The following ZNF18 variants were observed in gnomAD, a reference collection of about 807,000 sequenced individuals.
ZNF18 encodes the protein zinc finger protein 18.
Under a neutral mutation model 58.1 loss-of-function variants are expected in ZNF18, and 42 were observed. That is an observed-to-expected ratio of 0.72 (90% confidence interval 0.56 to 0.93). The LOEUF (loss-of-function observed/expected upper bound fraction) is 0.93. Among genes scored for constraint, ZNF18 ranks in the 40% least tolerant of loss-of-function variants. The pLI, the probability that ZNF18 is intolerant of heterozygous loss-of-function variation, is 0.00. For synonymous variants in ZNF18, 231 were observed against 239.8 expected (o/e 0.96, Z 0.34); for missense variants, 540 against 644.2 (o/e 0.84, Z 1.75).
chr17:11,990,806 A>G (rs1968068354), intron 3 of ZNF18, among the ~76,000 whole-genome samples, 168 bp downstream of exon 3: 1 of 152,170 alleles, frequency 6.6e-6, no homozygotes, highest in Non-Finnish European at 1.5e-5. Context: ...AGCAGTTTAA[A>G]ACACAGACTT....
the ZNF18 span, among the ~76,000 whole-genome samples, chr17:12,020,105 C>T: frequency 3.3e-5 from 5 of 152,162 alleles, no homozygotes; most frequent in East Asian, 1.9e-4. Flanking sequence ...ATAATGACTA[C>T]GGCTCGTCTT....
intron 1 of ZNF18, among the ~76,000 whole-genome samples, chr17:11,994,713 C>T (rs1283012879): frequency 3.3e-5 from 5 of 151,912 alleles, no homozygotes; most frequent in African/African-American, 9.7e-5. Flanking sequence ...TGGTGGCGGG[C>T]GCCTGTGATC....
rs367922755 is a variant in ZNF18 at position 11,977,949 on chromosome 17, G to T, written c.*8C>A. ...GATAGAAATGGGGAAAGAGAGTTTG[G>T]TTACTGGCTATTGAAAGGGCTTCTT... On this transcript the variant is annotated 3_prime_UTR_variant, in exon 7 of 7. Coordinates refer to ENST00000580306, the MANE Select transcript of ZNF18 (RefSeq NM_001303281.2). 9.7e-6 allele frequency: 15 copies of T among 1,547,390 alleles called. No homozygotes were observed. The African/African-American group carries it at 2.1e-4, about 21-fold the overall frequency.
the ZNF18 span, among the ~76,000 whole-genome samples, chr17:12,003,202 T>C: frequency 2.7e-4 from 41 of 152,210 alleles, no homozygotes; most frequent in Non-Finnish European, 5.0e-4. Flanking sequence ...ACGCCTGTAA[T>C]CCCAGCACTT....
At chr17:12,004,838 G>A in the ZNF18 span, among the ~76,000 whole-genome samples, 4 of 138,288 alleles carry the variant, frequency 2.9e-5, no homozygotes, top group East Asian at 8.6e-4. Flanking sequence ...AGTGAGCCAA[G>A]ATCATGCCAT....
chr17:12,015,534 GT>G, the ZNF18 span, among the ~76,000 whole-genome samples: 1 of 152,208 alleles, frequency 6.6e-6, no homozygotes, highest in South Asian at 2.1e-4. Context: ...GTTTTGTTAT[GT>G]TTTTTATATT....
the ZNF18 span, among the ~76,000 whole-genome samples, chr17:12,018,847 A>G: frequency 6.6e-6 from 1 of 151,968 alleles, no homozygotes; most frequent in African/African-American, 2.4e-5. Context: ...TAAAAATAAG[A>G]TTAGTTATAT....
In ZNF18 at chr17:11,987,249, T is replaced by C. The variant is rs1458208578; in HGVS notation, c.667-3052A>G. Among the ~76,000 whole-genome samples the C allele has an allele frequency of 2.6e-5, 4 of 152,326 alleles. No individual in the cohort carries two copies. The East Asian group carries it at 7.7e-4, about 29-fold the overall frequency. ...CTGAAAACAGGGGAAGGTGAGTAAA[T>C]GCACTGCTGGAGTCTATGTGAGGTT... On this transcript the variant is annotated intron_variant, in intron 4 of 6. Transcript: ENST00000580306.
chr17:11,987,879 T>C lies in ZNF18; in HGVS notation c.666+2583A>G, dbSNP rs77768805. On this transcript the variant is annotated intron_variant, in intron 4 of 6. Transcript: ENST00000580306. ...CCTTCCCCCAGAGTAAACTATGAAA[T>C]TGGTATTCTAGTTTTTATATATCTG... Among the ~76,000 whole-genome samples, 1,304 of 152,194 alleles carry C rather than the reference T, an allele frequency of 8.6e-3. 22 individuals carry two copies. Among genetic ancestry groups the C allele is most frequent in the African/African-American group, 0.03 (1,234 of 41,530 alleles).
rs1215380934 is a variant in ZNF18, at chr17:11,977,859, C to G, written c.*98G>C. The G allele has an allele frequency of 7.2e-7, 1 of 1,379,470 alleles. No homozygotes were observed. The highest frequency in any genetic ancestry group is 2.3e-5 in the East Asian group (1 of 43,098). 85.5% of individuals were successfully genotyped at this position (1,379,470 alleles called of 1,614,324 possible). On this transcript the variant is annotated 3_prime_UTR_variant, in exon 7 of 7. Coordinates refer to ENST00000580306, the MANE Select transcript of ZNF18 (RefSeq NM_001303281.2). ...CCAATCCAAGAAAAAAGGAGATTAACAGGGGTATCCTCTTAGACACAATTC... is the reference window on the plus strand; with the variant it reads ...CCAATCCAAGAAAAAAGGAGATTAAGAGGGGTATCCTCTTAGACACAATTC...
In ZNF18 at chr17:11,992,007, C is replaced by G. The variant is rs185852492; in HGVS notation, c.387+436G>C. Among the ~76,000 whole-genome samples the G allele has an allele frequency of 1.3e-3, 194 of 152,282 alleles. 3 individuals are homozygous for G. The highest frequency in any genetic ancestry group is 1.5e-3 in the Non-Finnish European group (103 of 68,014). On this transcript the variant is annotated intron_variant, in intron 2 of 6. Transcript: ENST00000580306. The stretch of plus-strand genomic sequence containing the variant: ...AAGCATGGAAGCTCCACGCTCTTTC[C>G]CCCACACCTTGCTCTATGCAGCTCT...
the ZNF18 span, among the ~76,000 whole-genome samples, chr17:12,019,245 T>C: frequency 6.6e-6 from 1 of 151,996 alleles, no homozygotes; most frequent in South Asian, 2.1e-4. Flanking sequence ...ATTACAGGTG[T>C]GAGCCAACAT....
the ZNF18 span, among the ~76,000 whole-genome samples, chr17:12,015,099 A>G: frequency 6.6e-6 from 1 of 152,214 alleles, no homozygotes; most frequent in East Asian, 1.9e-4. Context: ...TAGGTGAATT[A>G]TATGGTATAT....
At chr17:11,991,675 T>C (rs1454126812) in intron 2 of ZNF18, among the ~76,000 whole-genome samples, 1 of 151,902 alleles carries the variant, frequency 6.6e-6, no homozygotes, top group Non-Finnish European at 1.5e-5. Flanking sequence ...GAAAGAAGAG[T>C]CTTTGTTATT....
chr17:11,991,286 A>G, intron 2 of ZNF18, 123 bp from the exon 3 acceptor site: 1 of 950,176 alleles, frequency 1.1e-6, no homozygotes, highest in Non-Finnish European at 1.5e-6. Flanking sequence ...GAAAGAGAAA[A>G]CCAGCTTTTA....
At chr17:12,007,967 G>A in the ZNF18 span, among the ~76,000 whole-genome samples, 15 of 152,154 alleles carry the variant, frequency 9.9e-5, no homozygotes, top group Admixed American at 9.2e-4. Flanking sequence ...TCCATAATGT[G>A]GTGGTGCTCA....
At chr17:11,998,055 T>TTCTCTCTC (rs145467794), upstream of ZNF18, among the ~76,000 whole-genome samples, 1 of 150,504 alleles carries the variant, frequency 6.6e-6, no homozygotes, top group African/African-American at 2.4e-5. Flanking sequence ...TCTCTCTCTC[T>TTCTCTCTC]TCTCTCTCTC....
intron 4 of ZNF18, among the ~76,000 whole-genome samples, chr17:11,990,094 A>T (rs1278850446): frequency 2.6e-5 from 4 of 152,216 alleles, no homozygotes; most frequent in South Asian, 2.1e-4. Context: ...ATGGCCAAAA[A>T]TTTTCCAAGT....
At chr17:11,981,318 CTTTT>C (rs35186030) in intron 6 of ZNF18, among the ~76,000 whole-genome samples, 1,498 of 135,830 alleles carry the variant, frequency 0.011, 31 homozygotes, top group African/African-American at 0.038. Flanking sequence ...CACATATCCT[CTTTT>C]TTTTTTTTTT....
Sources: allele counts gnomAD v4.1 joint callset (sites outside exome capture counted in the v4.1 genomes callset), GRCh38; gene constraint gnomAD v4.1.1; transcripts MANE v1.5; gene names NCBI Gene and HGNC (gene_info 2026-07-23, HGNC 2026-07-21).